Variants in CDKAL1 observed in about 807,000 individuals in gnomAD.
CDKAL1 encodes the protein CDKAL1 threonylcarbamoyladenosine tRNA methylthiotransferase, also known as threonylcarbamoyladenosine tRNA methylthiotransferase.
A neutral mutation model predicts 68.2 loss-of-function variants in CDKAL1; 32 were observed. The ratio of observed to expected loss-of-function variants is 0.47; its 90% CI spans 0.35 to 0.63. The LOEUF is 0.63. Ranked by LOEUF, CDKAL1 falls within the 30% of genes least tolerant of loss-of-function variation. The pLI is 0.00. For synonymous variants in CDKAL1, 234 were observed against 244.3 expected (o/e 0.96, Z 0.39); for missense variants, 606 against 696.7 (o/e 0.87, Z 1.47).
At chr6:20,818,470 A>G (rs922818658) in intron 8 of CDKAL1, among the ~76,000 whole-genome samples, 1 of 152,102 alleles carries the variant, frequency 6.6e-6, no homozygotes, top group African/African-American at 2.4e-5. Flanking sequence ...AAGCTAACAT[A>G]ACTTTTCTGT....
At chr6:21,062,344 A>G (rs1771186139) in intron 11 of CDKAL1, among the ~76,000 whole-genome samples, 1 of 152,220 alleles carries the variant, frequency 6.6e-6, no homozygotes, top group Non-Finnish European at 1.5e-5. Context: ...CCTTTTGATA[A>G]GAATTATTGA....
intron 11 of CDKAL1, among the ~76,000 whole-genome samples, chr6:21,030,247 A>C (rs1769199930): frequency 6.6e-6 from 1 of 152,162 alleles, no homozygotes; most frequent in Non-Finnish European, 1.5e-5. Context: ...CAAACACCAC[A>C]TGTTCTCGTA....
rs1561931956 is a variant in CDKAL1 at position 20,568,753 on chromosome 6, A to AAAAAAAAAAAAAAC, written c.286+20053_286+20054insAAAAAAAACAAAAA. Among the ~76,000 whole-genome samples the AAAAAAAAAAAAAAC allele has an allele frequency of 6.3e-5, 8 of 127,508 alleles. 1 individual carries two copies. Among genetic ancestry groups the AAAAAAAAAAAAAAC allele is most frequent in the Non-Finnish European group, 1.1e-4 (7 of 62,210 alleles). The allele number at this position is 127,508 out of a possible 152,430, so 83.7% of individuals were successfully genotyped here. A position where few individuals can be genotyped will look rare whatever the true frequency, so the allele number is the denominator to read the frequency against. ...CCGCCTCAAAAAAAAAAAAAAAACA[A>AAAAAAAAAAAAAAC]AAAAACAAAAAAACAAAGAAATGTG... On this transcript the variant is annotated intron_variant, in intron 4 of 15. Transcript: ENST00000274695.
rs78605795 is a variant in CDKAL1, at chr6:20,931,083, G to A, written c.743-24336G>A. Among the ~76,000 whole-genome samples the A allele has an allele frequency of 4.3e-3, 660 of 152,300 alleles. 5 individuals are homozygous for A. Among genetic ancestry groups the A allele is most frequent in the African/African-American group, 0.015 (630 of 41,580 alleles). On this transcript the variant is annotated intron_variant, in intron 9 of 15. Coordinates refer to ENST00000274695, the MANE Select transcript of CDKAL1 (RefSeq NM_017774.3). Reference sequence around the variant, plus strand: ...ATAGACCAGGAAACCTAAGCTCAGAGACCAGTAATTAAGCTGCCTTGGCTA... The same window carrying A: ...ATAGACCAGGAAACCTAAGCTCAGAAACCAGTAATTAAGCTGCCTTGGCTA...
chr6:20,958,378 C>T (rs1764891865), intron 10 of CDKAL1, among the ~76,000 whole-genome samples: 1 of 152,186 alleles, frequency 6.6e-6, no homozygotes, highest in Non-Finnish European at 1.5e-5. Flanking sequence ...ATTCCACAAA[C>T]ACATCGTATG....
At chr6:21,149,943 C>T (rs752444257) in intron 13 of CDKAL1, among the ~76,000 whole-genome samples, 67 of 152,204 alleles carry the variant, frequency 4.4e-4, no homozygotes, top group Non-Finnish European at 7.1e-4. Flanking sequence ...GTGCAAGCTC[C>T]GCCTCCTGGG....
chr6:20,806,073 G>T (rs973484739), intron 8 of CDKAL1, among the ~76,000 whole-genome samples: 1 of 152,136 alleles, frequency 6.6e-6, no homozygotes, highest in Non-Finnish European at 1.5e-5. Context: ...TGTCACAGGG[G>T]TTTGCTGTAC....
At chr6:20,550,440 T>G (rs988770112) in intron 4 of CDKAL1, among the ~76,000 whole-genome samples, 1 of 152,230 alleles carries the variant, frequency 6.6e-6, no homozygotes, top group Non-Finnish European at 1.5e-5. Context: ...CCGGCATCTT[T>G]TTTTTGAGCA....
chr6:21,029,685 C>A (rs1769160714), intron 11 of CDKAL1, among the ~76,000 whole-genome samples: 1 of 152,132 alleles, frequency 6.6e-6, no homozygotes, highest in African/African-American at 2.4e-5. Context: ...GCAGACACTT[C>A]TCAAAAGAGG....
chr6:21,162,557 AG>A (rs1776969618), intron 13 of CDKAL1, among the ~76,000 whole-genome samples: 1 of 152,178 alleles, frequency 6.6e-6, no homozygotes, highest in Admixed American at 6.5e-5. Flanking sequence ...TAAAAACAAA[AG>A]CCACCTGACT....
chr6:20,547,175 A>G (rs992176347), intron 3 of CDKAL1, among the ~76,000 whole-genome samples: 10 of 152,088 alleles, frequency 6.6e-5, no homozygotes, highest in Non-Finnish European at 1.5e-4. Context: ...TTTTGAATTA[A>G]AGAAACTCAA....
chr6:20,865,825 C>T (rs1031935658), intron 9 of CDKAL1, among the ~76,000 whole-genome samples: 12 of 152,252 alleles, frequency 7.9e-5, no homozygotes, highest in African/African-American at 2.2e-4. Flanking sequence ...AGGTCTCCAG[C>T]GTACCCATCA....
At chr6:21,126,211 T>G (rs1205906967) in intron 13 of CDKAL1, among the ~76,000 whole-genome samples, 3 of 152,232 alleles carry the variant, frequency 2.0e-5, no homozygotes, top group Admixed American at 6.5e-5. Flanking sequence ...TTATGTTACA[T>G]TTAAGTGAAA....
intron 2 of CDKAL1, among the ~76,000 whole-genome samples, chr6:20,543,345 C>T (rs1763461415): frequency 6.6e-6 from 1 of 152,138 alleles, no homozygotes; most frequent in African/African-American, 2.4e-5. Context: ...TCACTGTTGT[C>T]TGTTTTATCC....
intron 11 of CDKAL1, among the ~76,000 whole-genome samples, chr6:21,032,836 C>A (rs1473557596): frequency 6.6e-6 from 1 of 152,184 alleles, no homozygotes; most frequent in Non-Finnish European, 1.5e-5. Flanking sequence ...TGACACCTGT[C>A]TCAGAAACGT....
intron 4 of CDKAL1, among the ~76,000 whole-genome samples, chr6:20,600,150 C>G (rs1766019809): frequency 6.6e-6 from 1 of 152,054 alleles, no homozygotes; most frequent in African/African-American, 2.4e-5. Flanking sequence ...TTTATTGTAG[C>G]CTTTATCCAT....
At chr6:20,652,331 A>G (rs1257583844) in intron 5 of CDKAL1, among the ~76,000 whole-genome samples, 3 of 152,192 alleles carry the variant, frequency 2.0e-5, no homozygotes, top group African/African-American at 4.8e-5. Flanking sequence ...TTCCCTGCCC[A>G]TTAGCACTGT....
intron 9 of CDKAL1, among the ~76,000 whole-genome samples, chr6:20,882,475 C>A (rs1760872613): frequency 6.6e-6 from 1 of 152,112 alleles, no homozygotes; most frequent in Non-Finnish European, 1.5e-5. Context: ...TCTTTTAAAT[C>A]TTTTGTTAGT....
intron 12 of CDKAL1, among the ~76,000 whole-genome samples, chr6:21,101,793 T>A (rs1177388716): frequency 6.6e-6 from 1 of 152,080 alleles, no homozygotes; most frequent in Non-Finnish European, 1.5e-5. Flanking sequence ...ACTTCTCCTG[T>A]TTGGTTATCT....
Sources: allele counts gnomAD v4.1 joint callset (sites outside exome capture counted in the v4.1 genomes callset), GRCh38; gene constraint gnomAD v4.1.1; transcripts MANE v1.5; gene names NCBI Gene and HGNC (gene_info 2026-07-23, HGNC 2026-07-21).